Variants in CTPS1 observed in about 807,000 individuals in gnomAD.
CTPS1 encodes the protein CTP synthase 1.
CTPS1 carries 25 observed loss-of-function variants against 80.5 expected under a neutral mutation model. The ratio of observed to expected loss-of-function variants is 0.31; its 90% CI spans 0.23 to 0.43. The LOEUF (loss-of-function observed/expected upper bound fraction) is 0.43. Among genes scored for constraint, CTPS1 ranks in the 20% least tolerant of loss-of-function variants. CTPS1 has a pLI of 1.00. For synonymous variants in CTPS1, 267 were observed against 252.5 expected, an observed-to-expected ratio of 1.06 and a Z score of -0.54; for missense variants, 442 against 725.7, an observed-to-expected ratio of 0.61 and a Z score of 4.49.
chr1:41,002,331 C>A, intron 11 of CTPS1, 77 bp downstream of exon 11: 1 of 1,144,578 alleles, frequency 8.7e-7, no homozygotes, highest in Non-Finnish European at 1.3e-6. Flanking sequence ...AGCCTATGAA[C>A]AAAGTGGGGG....
intron 7 of CTPS1, among the ~76,000 whole-genome samples, chr1:40,993,756 C>G (rs1346759710): frequency 7.7e-6 from 1 of 130,222 alleles, no homozygotes; most frequent in African/African-American, 2.8e-5. Flanking sequence ...TGTGCCTTGT[C>G]TTTTCATTTT....
intron 1 of CTPS1, among the ~76,000 whole-genome samples, chr1:40,982,178 C>T (rs947796396): frequency 1.3e-5 from 2 of 152,060 alleles, no homozygotes; most frequent in Non-Finnish European, 2.9e-5. Flanking sequence ...ACTCTGCTGC[C>T]CTTATATCTT....
intron 1 of CTPS1, chr1:40,980,129 C>T (rs12736067): frequency 6.6e-6 from 1 of 151,360 alleles, no homozygotes; most frequent in Non-Finnish European, 1.5e-5. Context: ...TGCGCTGCCG[C>T]GCTGGGCCGC....
Position 41,008,900 on chromosome 1 carries a change from C to G in CTPS1, c.1546+10C>G. The G allele has an allele frequency of 1.9e-6, 3 of 1,604,534 alleles. No homozygotes were observed. Among genetic ancestry groups the G allele is most frequent in the Non-Finnish European group, 2.6e-6 (3 of 1,171,382 alleles). ...ATTGTGGAGTTAGAAGGTGATTATT[C>G]GGGCAGTTTTATTTAATGGAAAACT... On this transcript the variant is annotated intron_variant, in intron 16 of 18. Transcript: ENST00000650070.
chr1:40,983,584 A>T, intron 2 of CTPS1, 128 bp downstream of exon 2: 1 of 648,126 alleles, frequency 1.5e-6, no homozygotes, highest in Non-Finnish European at 2.6e-6. Flanking sequence ...CAGCAGAATG[A>T]TACTTTTCTC....
chr1:41,003,246 G>T (rs193191394), intron 12 of CTPS1, 70 bp downstream of exon 12: 1 of 1,547,500 alleles, frequency 6.5e-7, no homozygotes, highest in African/African-American at 1.4e-5. Flanking sequence ...GCCTGTTGCC[G>T]CCTGGGTGAT....
intron 11 of CTPS1, 63 bp from the exon 12 acceptor site, chr1:41,003,051 C>T: frequency 6.4e-7 from 1 of 1,560,738 alleles, no homozygotes. Flanking sequence ...GCAGAGGCTG[C>T]TGGGAAAAGT....
intron 5 of CTPS1, 87 bp from the exon 6 acceptor site, chr1:40,991,078 A>C: frequency 1.1e-6 from 1 of 915,516 alleles, no homozygotes; most frequent in Non-Finnish European, 1.7e-6. Flanking sequence ...CTATTTCCTT[A>C]TTAAAAGAGG....
rs532011933 is a variant in CTPS1, at chr1:40,996,171, G to A, written c.872+103G>A. ...AGCACTTTTGTACTTTTGCACTTCT[G>A]CCATCCACTCATTAGAAGAGCCTTT... On this transcript the variant is annotated intron_variant, in intron 8 of 18. Transcript: ENST00000650070. The A allele has an allele frequency of 7.3e-5, 92 of 1,255,162 alleles. No individual in the cohort carries two copies. The East Asian group carries it at 2.1e-3, about 28-fold the overall frequency. 77.8% of individuals were successfully genotyped at this position (1,255,162 alleles called of 1,614,324 possible).
rs753610646 is a variant in CTPS1, at chr1:41,010,213, G to A, written c.1744G>A (p.Glu582Lys). ...GSSSPDSEITELKFPSINHD is the reference protein window; with the variant it reads ...GSSSPDSEITKLKFPSINHD ...CAGCTCCCCTGACTCTGAAATCACCGAACTGAAGTTTCCATCAATAAATCA... is the reference window on the plus strand; with the variant it reads ...CAGCTCCCCTGACTCTGAAATCACCAAACTGAAGTTTCCATCAATAAATCA... The change falls in exon 18 of 19, where the codon GAA (glutamate) becomes AAA (lysine). Residue 582 changes from glutamate (E) to lysine (K), a missense_variant. Coordinates refer to ENST00000650070, the MANE Select transcript of CTPS1 (RefSeq NM_001905.4). 7 of 1,613,912 alleles carry A rather than the reference G, an allele frequency of 4.3e-6. No homozygotes were observed. Among genetic ancestry groups the A allele is most frequent in the Non-Finnish European group, 5.9e-6 (7 of 1,179,792 alleles).
intron 1 of CTPS1, chr1:40,980,364 C>G (rs1233803386): frequency 6.6e-6 from 1 of 152,208 alleles, no homozygotes; most frequent in Non-Finnish European, 1.5e-5. Flanking sequence ...CCTGCGAACT[C>G]GCCGGCCCTG....
At chr1:40,996,179 C>T (rs1046616854) in intron 8 of CTPS1, 111 bp downstream of exon 8, 2 of 1,178,582 alleles carry the variant, frequency 1.7e-6, no homozygotes, top group African/African-American at 3.0e-5. Context: ...CTGCCATCCA[C>T]TCATTAGAAG....
At chr1:40,988,876 A>G (rs573814816) in intron 5 of CTPS1, among the ~76,000 whole-genome samples, 166 bp downstream of exon 5, 33 of 152,340 alleles carry the variant, frequency 2.2e-4, no homozygotes, top group African/African-American at 7.9e-4. Context: ...ACTTTTTTGA[A>G]AAGATCAAAT....
chr1:40,986,634 G>C (rs1642460227), intron 3 of CTPS1, among the ~76,000 whole-genome samples: 1 of 152,222 alleles, frequency 6.6e-6, no homozygotes, highest in South Asian at 2.1e-4. Flanking sequence ...GAGTAACCTG[G>C]AGTTAAACAG....
At chr1:40,983,670 T>A (rs1217266364) in intron 2 of CTPS1, among the ~76,000 whole-genome samples, 1 of 151,304 alleles carries the variant, frequency 6.6e-6, no homozygotes, top group Non-Finnish European at 1.5e-5. Flanking sequence ...TCCCTCAGGC[T>A]GGAGTGTAGT....
chr1:40,990,491 A>T (rs1332537227), intron 5 of CTPS1, among the ~76,000 whole-genome samples: 1 of 152,188 alleles, frequency 6.6e-6, no homozygotes, highest in Admixed American at 6.5e-5. Flanking sequence ...TTTCATTAAA[A>T]ATTCTAGTGG....
intron 9 of CTPS1, among the ~76,000 whole-genome samples, chr1:40,998,105 C>T (rs1055080732): frequency 5.3e-5 from 8 of 152,120 alleles, no homozygotes; most frequent in African/African-American, 1.9e-4. Flanking sequence ...TGGTTAAGAG[C>T]ATGGATGCCG....
At chr1:40,980,574 G>C (rs1294682366) in intron 1 of CTPS1, 1 of 152,254 alleles carries the variant, frequency 6.6e-6, no homozygotes, top group African/African-American at 2.4e-5. Context: ...GAGAACCCGC[G>C]TTGCAGGCAG....
intron 10 of CTPS1, 79 bp from the exon 11 acceptor site, chr1:41,002,081 T>C (rs576734563): frequency 1.6e-6 from 2 of 1,250,430 alleles, no homozygotes; most frequent in African/African-American, 2.9e-5. Context: ...AGTGTCTTGG[T>C]AATGGCCCGT....
Sources: gnomAD v4.1 joint callset for allele counts (sites outside exome capture counted in the v4.1 genomes callset) on GRCh38, gnomAD v4.1.1 for gene constraint, MANE v1.5 for transcripts, NCBI Gene and HGNC (gene_info 2026-07-23, HGNC 2026-07-21) for gene names.